Variants in CPE observed in about 807,000 individuals in gnomAD.
CPE encodes carbocypeptidase E.
CPE carries 17 observed loss-of-function variants against 53.5 expected under a neutral mutation model. The ratio of observed to expected loss-of-function variants is 0.32; its 90% CI spans 0.22 to 0.48. CPE has a LOEUF of 0.48. Ranked by LOEUF, CPE falls within the 20% of genes least tolerant of loss-of-function variation. The pLI is 0.99. For missense variants in CPE, 524 were observed against 614.7 expected, an observed-to-expected ratio of 0.85 and a Z score of 1.56; for synonymous variants, 226 against 228.8, an observed-to-expected ratio of 0.99 and a Z score of 0.11.
intron 1 of CPE, among the ~76,000 whole-genome samples, chr4:165,451,014 C>T (rs1579267360): frequency 6.6e-6 from 1 of 152,172 alleles, no homozygotes; most frequent in African/African-American, 2.4e-5. Flanking sequence ...CTTAGGCCTG[C>T]AGGATAGCAT....
intron 1 of CPE, among the ~76,000 whole-genome samples, chr4:165,458,368 C>T (rs1263103447): frequency 6.6e-6 from 1 of 152,148 alleles, no homozygotes; most frequent in Admixed American, 6.5e-5. Context: ...GTACCAGGAA[C>T]ACGTGTTTTG....
rs545625837 is a variant in CPE at position 165,437,797 on chromosome 4, G to A, written c.308-26593G>A. On this transcript the variant is annotated intron_variant, in intron 1 of 8. Coordinates refer to ENST00000402744, the MANE Select transcript of CPE (RefSeq NM_001873.4). ...TTCTAGAGGAGCTAACATCTGAGCT[G>A]AATCTTGAAGTATGAGTAAGAGTTT... 2.0e-5 allele frequency among the ~76,000 whole-genome samples: 3 copies of A among 152,276 alleles called. No homozygotes were observed. The East Asian group carries it at 5.8e-4, about 29-fold the overall frequency.
chr4:165,480,070 G>T (rs1732376888), intron 3 of CPE, among the ~76,000 whole-genome samples: 2 of 149,556 alleles, frequency 1.3e-5, no homozygotes, highest in Admixed American at 6.7e-5. Flanking sequence ...AGAATAAATA[G>T]AAATAATCTC....
At chr4:165,464,116 C>A (rs547341397) in intron 1 of CPE, among the ~76,000 whole-genome samples, 1 of 152,208 alleles carries the variant, frequency 6.6e-6, no homozygotes, top group South Asian at 2.1e-4. Flanking sequence ...TTAATTTAAC[C>A]CTAATTACCT....
intron 1 of CPE, among the ~76,000 whole-genome samples, chr4:165,409,238 G>A (rs1480454099): frequency 6.6e-6 from 1 of 152,116 alleles, no homozygotes; most frequent in Non-Finnish European, 1.5e-5. Context: ...CAGTCTCCCT[G>A]TGTTGCCCAG....
chr4:165,473,990 T>G (rs982298735), intron 3 of CPE, among the ~76,000 whole-genome samples: 1 of 152,226 alleles, frequency 6.6e-6, no homozygotes, highest in African/African-American at 2.4e-5. Flanking sequence ...GCTAAGCTTG[T>G]GGCAGAGGGG....
intron 1 of CPE, among the ~76,000 whole-genome samples, chr4:165,410,733 G>A (rs903967560): frequency 3.3e-5 from 5 of 152,138 alleles, no homozygotes; most frequent in Admixed American, 2.6e-4. Context: ...CCTGATATTA[G>A]AGAATGAGAA....
At chr4:165,400,107 C>G (rs1298051573) in intron 1 of CPE, among the ~76,000 whole-genome samples, 2 of 152,152 alleles carry the variant, frequency 1.3e-5, no homozygotes, top group Non-Finnish European at 2.9e-5. Flanking sequence ...AAATAGATCA[C>G]TTGTGCATTG....
intron 1 of CPE, among the ~76,000 whole-genome samples, chr4:165,457,178 A>G (rs759426323): frequency 3.9e-5 from 6 of 152,182 alleles, no homozygotes; most frequent in Admixed American, 1.3e-4. Context: ...GGTGGGTTGG[A>G]GTAGGCTTTT....
Position 165,497,545 on chromosome 4 carries a change from AAAG to A in CPE, c.1371_1373del (p.Glu459del). On this transcript the variant is annotated inframe_deletion, in exon 9 of 9. Coordinates refer to ENST00000402744, the MANE Select transcript of CPE (RefSeq NM_001873.4). ...TGAACTGGAGTCATTTTCTGAAAGG[AAAG>A]AAGAGGAGAAGGAAGAATTGATGGA... 1 of 1,578,648 alleles carries A rather than the reference AAAG, an allele frequency of 6.3e-7. No homozygotes were observed.
chr4:165,456,840 T>C (rs1666843444), intron 1 of CPE, among the ~76,000 whole-genome samples: 1 of 151,250 alleles, frequency 6.6e-6, no homozygotes, highest in African/African-American at 2.4e-5. Flanking sequence ...CTCCCAGGTT[T>C]AAGCAGTTCT....
At chr4:165,485,164 C>A (rs1041778497) in intron 5 of CPE, among the ~76,000 whole-genome samples, 2 of 152,208 alleles carry the variant, frequency 1.3e-5, no homozygotes, top group African/African-American at 4.8e-5. Flanking sequence ...GGGACAGCAG[C>A]TGGGGGAAGC....
chr4:165,427,730 C>T (rs1480320398), intron 1 of CPE, among the ~76,000 whole-genome samples: 2 of 152,126 alleles, frequency 1.3e-5, no homozygotes, highest in Non-Finnish European at 2.9e-5. Flanking sequence ...TCACACAAAA[C>T]AAAAGTGGAT....
At chr4:165,404,482 C>G (rs1730921213) in intron 1 of CPE, 1 of 785,362 alleles carries the variant, frequency 1.3e-6, no homozygotes, top group Admixed American at 1.7e-5. Context: ...CTAGGAAGCC[C>G]TTGGACACCA....
At chr4:165,421,034 A>C (rs1427436852) in intron 1 of CPE, among the ~76,000 whole-genome samples, 1 of 152,214 alleles carries the variant, frequency 6.6e-6, no homozygotes. Flanking sequence ...TTCAGGAAAT[A>C]ATTTCATTAT....
At chr4:165,395,448 G>C (rs1305760171) in intron 1 of CPE, among the ~76,000 whole-genome samples, 4 of 152,084 alleles carry the variant, frequency 2.6e-5, no homozygotes, top group Admixed American at 2.0e-4. Context: ...CTATGCCAAG[G>C]GTCAATGCAC....
chr4:165,487,442 G>A lies in CPE; in HGVS notation c.978G>A (p.Met326Ile). Residue 326 changes from methionine to isoleucine, a missense_variant, in exon 6 of 9, where the codon ATG (methionine) becomes ATA (isoleucine). Coordinates refer to ENST00000402744, the MANE Select transcript of CPE (RefSeq NM_001873.4). ...TTCCATTTGGTGTTTTGGCAGGGAT[G>A]CAAGACTTCAATTACCTTAGCAGCA... Reference protein sequence around the residue: ...GGAWYSVPGGMQDFNYLSSNC... With the variant: ...GGAWYSVPGGIQDFNYLSSNC... 8 of 1,613,848 alleles carry A rather than the reference G, an allele frequency of 5.0e-6. No homozygotes were observed. The highest frequency in any genetic ancestry group is 2.2e-5 in the East Asian group (1 of 44,866).
intron 3 of CPE, among the ~76,000 whole-genome samples, chr4:165,479,180 T>C (rs1161777026): frequency 6.6e-6 from 1 of 152,178 alleles, no homozygotes; most frequent in African/African-American, 2.4e-5. Flanking sequence ...ATGTTAGCAA[T>C]TGGATATAAA....
chr4:165,416,427 A>G (rs1008171278), intron 1 of CPE, among the ~76,000 whole-genome samples: 64 of 152,156 alleles, frequency 4.2e-4, no homozygotes, highest in African/African-American at 1.5e-3. Flanking sequence ...TTAAATTTCC[A>G]GTAGTGTAGC....
Sources: allele counts gnomAD v4.1 joint callset (sites outside exome capture counted in the v4.1 genomes callset), GRCh38; gene constraint gnomAD v4.1.1; transcripts MANE v1.5; gene names NCBI Gene and HGNC (gene_info 2026-07-23, HGNC 2026-07-21).